The following DIS3 variants were observed in gnomAD, a reference collection of about 807,000 sequenced individuals.
DIS3 encodes the protein DIS3 exosome endoribonuclease and 3'-5' exoribonuclease.
DIS3 carries 103 observed loss-of-function variants against 113.0 expected under a neutral mutation model. The ratio of observed to expected loss-of-function variants is 0.91; its 90% CI spans 0.78 to 1.07. DIS3 has a LOEUF of 1.07. Among genes scored for constraint, DIS3 ranks in the 50% least tolerant of loss-of-function variants. DIS3 has a pLI of 0.00. For synonymous variants in DIS3, 402 were observed against 394.3 expected, an observed-to-expected ratio of 1.02 and a Z score of -0.23; for missense variants, 1,121 against 1,167.1, an observed-to-expected ratio of 0.96 and a Z score of 0.58.
At position 72,777,505 on chromosome 13, in the gene DIS3, A is replaced by C; in HGVS notation, c.581-12T>G. 6.2e-7 allele frequency: 1 copy of C among 1,612,692 alleles called. No individual in the cohort carries two copies. The highest frequency in any genetic ancestry group is 1.1e-5 in the South Asian group (1 of 90,994). Reference sequence around the variant, plus strand: ...TACATATTCTTCACCTGAAAAAATAAGTTTATGTTGTTTTTGATAAGTGTT... The same window carrying C: ...TACATATTCTTCACCTGAAAAAATACGTTTATGTTGTTTTTGATAAGTGTT... On this transcript the variant is annotated splice_polypyrimidine_tract_variant and intron_variant, in intron 3 of 20. Transcript: ENST00000377767.
intron 8 of DIS3, 83 bp from the exon 9 acceptor site, chr13:72,772,922 A>G (rs897049695): frequency 2.8e-6 from 4 of 1,413,992 alleles, no homozygotes; most frequent in Non-Finnish European, 3.8e-6. Context: ...GCATTTACAT[A>G]TCTTCTCAGT....
chr13:72,768,510 C>T (rs745817991), intron 14 of DIS3, among the ~76,000 whole-genome samples: 7 of 152,064 alleles, frequency 4.6e-5, no homozygotes, highest in Admixed American at 6.5e-5. Flanking sequence ...ATTAGCTGGG[C>T]GTGGTGGTGG....
chr13:72,759,076 T>C lies in DIS3; in HGVS notation c.*719A>G, dbSNP rs1343012891. The C allele has an allele frequency of 5.6e-6, 1 of 179,324 alleles. No individual in the cohort carries two copies. Among genetic ancestry groups the C allele is most frequent in the Non-Finnish European group, 1.2e-5 (1 of 83,770 alleles). The allele number at this position is 179,324 out of a possible 1,614,324, so 11.1% of individuals were successfully genotyped here. On this transcript the variant is annotated 3_prime_UTR_variant, in exon 21 of 21. Coordinates refer to ENST00000377767, the MANE Select transcript of DIS3 (RefSeq NM_014953.5). ...ACTAATTAATCTGTTTTTTATTTTG[T>C]AAGTAACAAGATATAGACATTTGAA...
chr13:72,766,358 A>C (rs1377323876), intron 14 of DIS3, among the ~76,000 whole-genome samples: 2 of 152,206 alleles, frequency 1.3e-5, no homozygotes, highest in Non-Finnish European at 2.9e-5. Context: ...ATGAGTTTTT[A>C]TTGAGCTACA....
intron 9 of DIS3, 139 bp from the exon 10 acceptor site, chr13:72,772,414 C>T: frequency 2.7e-6 from 2 of 729,486 alleles, no homozygotes; most frequent in East Asian, 5.5e-5. Flanking sequence ...ATTTCTTTTT[C>T]CTGCACTGGA....
rs540620528 is a variant in DIS3, at chr13:72,755,835, A to G, written c.*3960T>C. 7 of 398,598 alleles carry G rather than the reference A, an allele frequency of 1.8e-5. No individual in the cohort carries two copies. Among genetic ancestry groups the G allele is most frequent in the East Asian group, 3.6e-5 (1 of 28,072 alleles). 24.7% of individuals were successfully genotyped at this position (398,598 alleles called of 1,614,324 possible). On this transcript the variant is annotated 3_prime_UTR_variant, in exon 21 of 21. Coordinates refer to ENST00000377767, the MANE Select transcript of DIS3 (RefSeq NM_014953.5). ...TAGTACTAGTGACATCATCACGTGT[A>G]TTGTTATCTATGGGGCAAATGTGTG...
In DIS3 at chr13:72,753,372, T is replaced by C. The variant is rs1308681631; in HGVS notation, c.*6423A>G. 1 of 191,244 alleles carries C rather than the reference T, an allele frequency of 5.2e-6. No homozygotes were observed. Among genetic ancestry groups the C allele is most frequent in the African/African-American group, 2.3e-5 (1 of 42,622 alleles). The allele number at this position is 191,244 out of a possible 1,614,324, so 11.8% of individuals were successfully genotyped here. ...AAAATGCGTTGGAAGGTGAAGTTAGTTGTAATACTCATTTTTGTCTACTAG... is the reference window on the plus strand; with the variant it reads ...AAAATGCGTTGGAAGGTGAAGTTAGCTGTAATACTCATTTTTGTCTACTAG... On this transcript the variant is annotated 3_prime_UTR_variant, in exon 21 of 21. Coordinates refer to ENST00000377767, the MANE Select transcript of DIS3 (RefSeq NM_014953.5).
In DIS3 at chr13:72,775,182, AC is replaced by A. The variant is rs748541215; in HGVS notation, c.987+28del. The A allele has an allele frequency of 4.9e-5, 78 of 1,578,476 alleles. No individual in the cohort carries two copies. In the East Asian group the frequency reaches 1.0e-3, roughly 21 times the overall value. The stretch of plus-strand genomic sequence containing the variant: ...ATATTAATAATACAAAGCTACACAG[AC>A]AAAAAAAAATCCTGCTTAGATTCAT... On this transcript the variant is annotated intron_variant, in intron 6 of 20. Transcript: ENST00000377767.
intron 13 of DIS3, among the ~76,000 whole-genome samples, chr13:72,770,367 GA>G (rs2033855914): frequency 6.6e-6 from 1 of 151,996 alleles, no homozygotes; most frequent in African/African-American, 2.4e-5. Flanking sequence ...TTTCTGCCTA[GA>G]AAGACTCTTC....
Position 72,778,304 on chromosome 13 carries a change from AT to A in DIS3, c.462del (p.Lys154AsnfsTer7). The A allele has an allele frequency of 1.2e-6, 2 of 1,605,420 alleles. No homozygotes were observed. Among genetic ancestry groups the A allele is most frequent in the Non-Finnish European group, 1.7e-6 (2 of 1,173,636 alleles). ...ATTTTTTTCAAATGTTCATTGTACC[AT>A]TTTGCTGCTACTCGAATCGCTCTAT... is the stretch of plus-strand genomic sequence containing the variant. The part of the protein sequence containing the change: ...RNDRAIRVAA[K>X]WYNEHLKKMS... On this transcript the variant is annotated frameshift_variant, in exon 3 of 21. Transcript: ENST00000377767. LOFTEE classifies it high-confidence loss of function.
At chr13:72,770,762 A>G (rs1383434204) in intron 13 of DIS3, 142 bp downstream of exon 13, 2 of 398,050 alleles carry the variant, frequency 5.0e-6, no homozygotes, top group Non-Finnish European at 8.8e-6. Flanking sequence ...ATAATTATAC[A>G]TAACATCTCT....
chr13:72,771,802 CAA>C lies in DIS3; in HGVS notation c.1596_1597del (p.Cys533Ter), dbSNP rs779612266. ...TAAATTCAATACATTTACCTTTTCA[CAA>C]AGATACACAGTTGTTCCTCTTCTGG... On this transcript the variant is annotated frameshift_variant, in exon 11 of 21. Transcript: ENST00000377767. LOFTEE classifies it high-confidence loss of function. 6.8e-6 allele frequency: 11 copies of C among 1,612,576 alleles called. No homozygotes were observed. The highest frequency in any genetic ancestry group is 9.3e-6 in the Non-Finnish European group (11 of 1,179,628).
chr13:72,771,070 T>C lies in DIS3; in HGVS notation c.1670+11A>G, dbSNP rs762940301. The C allele has an allele frequency of 3.1e-6, 5 of 1,612,866 alleles. No homozygotes were observed. Among genetic ancestry groups the C allele is most frequent in the Non-Finnish European group, 4.2e-6 (5 of 1,179,366 alleles). ...CAATGTCTTCAAGGAAAAAAAACCA[T>C]GCAGAAATACCTGTCCACGTCACAT... On this transcript the variant is annotated intron_variant, in intron 12 of 20. Coordinates refer to ENST00000377767, the MANE Select transcript of DIS3 (RefSeq NM_014953.5).
chr13:72,767,255 C>T (rs1469265313), intron 14 of DIS3, among the ~76,000 whole-genome samples: 1 of 151,938 alleles, frequency 6.6e-6, no homozygotes, highest in African/African-American at 2.4e-5. Context: ...ATTAAAAATA[C>T]AGACTGCTGA....
rs1181505193 is a variant in DIS3, at chr13:72,766,053, A to T, written c.1889T>A (p.Leu630Ter). The part of the protein sequence containing the change: ...LKKRRIEKGA[L>*]TLSSPEVRFH... ...TCGAACTTCAGGAGAGGATAGAGTC[A>T]AAGCCCTACATAAAAATTAAAGAGA... Residue 630 changes from leucine (L) to a stop codon, truncating the protein, a stop_gained, in exon 15 of 21, where the codon TTG becomes TAG. Transcript: ENST00000377767. LOFTEE classifies it high-confidence loss of function. 6.2e-7 allele frequency: 1 copy of T among 1,604,324 alleles called. No homozygotes were observed. Among genetic ancestry groups the T allele is most frequent in the Non-Finnish European group, 8.5e-7 (1 of 1,175,416 alleles).
intron 13 of DIS3, among the ~76,000 whole-genome samples, 188 bp downstream of exon 13, chr13:72,770,716 T>C (rs1453857984): frequency 2.0e-5 from 3 of 152,114 alleles, no homozygotes; most frequent in East Asian, 3.8e-4. Context: ...CTTACATGTA[T>C]ATGTTTTTTC....
chr13:72,761,556 TAA>T (rs1201430536), intron 18 of DIS3, 35 bp from the exon 19 acceptor site: 10 of 1,528,764 alleles, frequency 6.5e-6, no homozygotes, highest in Non-Finnish European at 8.8e-6. Flanking sequence ...TAAATTGTCT[TAA>T]AAATTTTTAA....
chr13:72,759,978 G>C (rs1010565794), intron 20 of DIS3, 100 bp from the exon 21 acceptor site: 9 of 955,806 alleles, frequency 9.4e-6, no homozygotes, highest in Non-Finnish European at 1.5e-5. Context: ...AATTTAAAAG[G>C]ATGTAGTGGT....
intron 11 of DIS3, 136 bp downstream of exon 11, chr13:72,771,659 C>T (rs2138203492): frequency 1.4e-6 from 1 of 732,060 alleles, no homozygotes; most frequent in Non-Finnish European, 2.1e-6. Flanking sequence ...ATTTGAACCA[C>T]TCGATAACAA....
Sources: gnomAD v4.1 joint callset for allele counts (sites outside exome capture counted in the v4.1 genomes callset) on GRCh38, gnomAD v4.1.1 for gene constraint, MANE v1.5 for transcripts, NCBI Gene and HGNC (gene_info 2026-07-23, HGNC 2026-07-21) for gene names.